PLIN2: variants seen among roughly 807,000 people sequenced by gnomAD.
The protein encoded by PLIN2 is perilipin-2.
A neutral mutation model predicts 30.6 loss-of-function variants in PLIN2; 33 were observed. The observed-to-expected ratio is 1.08, with a 90% CI of 0.82 to 1.44. PLIN2 has a LOEUF of 1.44. Among genes scored for constraint, PLIN2 ranks in the 40% most tolerant of loss-of-function variants. The pLI is 0.00. For synonymous variants in PLIN2, 205 were observed against 201.1 expected, an observed-to-expected ratio of 1.02 and a Z score of -0.16; for missense variants, 610 against 531.8, an observed-to-expected ratio of 1.15 and a Z score of -1.45.
chr9:19,112,640 G>T (rs1025020295), downstream of PLIN2, among the ~76,000 whole-genome samples: 1 of 147,110 alleles, frequency 6.8e-6, no homozygotes, highest in African/African-American at 2.5e-5. Flanking sequence ...CCTGGGAGGC[G>T]AAGCTTGCAG....
intron 3 of PLIN2, 98 bp downstream of exon 3, chr9:19,126,016 C>G: frequency 1.1e-6 from 1 of 939,330 alleles, no homozygotes; most frequent in Non-Finnish European, 1.7e-6. Flanking sequence ...AGTGTATGCC[C>G]CAGGAAGGGC....
intron 2 of PLIN2, among the ~76,000 whole-genome samples, chr9:19,109,317 G>A (rs1424699566): frequency 6.6e-6 from 1 of 151,996 alleles, no homozygotes; most frequent in Admixed American, 6.6e-5. Context: ...CCCTTTGGGA[G>A]GCCGAGATGG....
chr9:19,119,495 T>C (rs1818279168), intron 6 of PLIN2, among the ~76,000 whole-genome samples, 155 bp downstream of exon 6: 1 of 152,228 alleles, frequency 6.6e-6, no homozygotes, highest in Non-Finnish European at 1.5e-5. Flanking sequence ...TATACTTCCT[T>C]TTTCTGTGAG....
At chr9:19,109,294 C>T (rs1478307578) in intron 2 of PLIN2, among the ~76,000 whole-genome samples, 1 of 152,088 alleles carries the variant, frequency 6.6e-6, no homozygotes, top group Non-Finnish European at 1.5e-5. Flanking sequence ...GTGGCTCACG[C>T]CTGTAATCCC....
intron 6 of PLIN2, among the ~76,000 whole-genome samples, chr9:19,118,753 C>G (rs1341138017): frequency 6.6e-6 from 1 of 152,214 alleles, no homozygotes; most frequent in Non-Finnish European, 1.5e-5. Flanking sequence ...CACTCTGTCA[C>G]CCAGGCTGAA....
At position 19,116,195 on chromosome 9, in the gene PLIN2, A is replaced by C; in HGVS notation, c.*53T>G. 1.3e-6 allele frequency: 2 copies of C among 1,492,892 alleles called. No individual in the cohort carries two copies. Among genetic ancestry groups the C allele is most frequent in the Non-Finnish European group, 1.8e-6 (2 of 1,116,656 alleles). 92.5% of individuals were successfully genotyped at this position (1,492,892 alleles called of 1,614,324 possible). A position where few individuals can be genotyped will look rare whatever the true frequency, so the allele number is the denominator to read the frequency against. On this transcript the variant is annotated 3_prime_UTR_variant, in exon 8 of 8. Coordinates refer to ENST00000276914, the MANE Select transcript of PLIN2 (RefSeq NM_001122.4). ...TTGCCTAGCAAGTTAATTTCAACAT[A>C]ACAAAAGGTGTCATCTGTCTGGCCA...
chr9:19,123,400 A>G (rs1185790675), intron 4 of PLIN2, 165 bp downstream of exon 4: 1 of 1,551,716 alleles, frequency 6.4e-7, no homozygotes, highest in Non-Finnish European at 8.7e-7. Context: ...CAACTTGACA[A>G]CAGTTCAGGA....
chr9:19,126,378 G>T lies in PLIN2; in HGVS notation c.30+19C>A, dbSNP rs775427650. 2 of 1,613,932 alleles carry T rather than the reference G, an allele frequency of 1.2e-6. No homozygotes were observed. The highest frequency in any genetic ancestry group is 3.3e-5 in the Admixed American group (2 of 59,990). On this transcript the variant is annotated intron_variant, in intron 2 of 7. Transcript: ENST00000276914. ...CACAAAAGGAGAGAAAGTAGACAAAGGCTACTCAAAATTCATACCGGTTGT... is the reference window on the plus strand; with the variant it reads ...CACAAAAGGAGAGAAAGTAGACAAATGCTACTCAAAATTCATACCGGTTGT...
chr9:19,125,571 C>G (rs1386038513), intron 3 of PLIN2: 1 of 152,884 alleles, frequency 6.5e-6, no homozygotes, highest in Non-Finnish European at 1.5e-5. Context: ...CAGGTGCAGG[C>G]CACCGTGCCC....
rs1588641750 is a variant in PLIN2 at position 19,116,047 on chromosome 9, T to G, written c.*201A>C. On this transcript the variant is annotated 3_prime_UTR_variant, in exon 8 of 8. Transcript: ENST00000276914. Reference sequence around the variant, plus strand: ...GCTATAGGCTCTGACAAGCCTATCATTCTTTTCTTACCAGGTGAACAGAAA... The same window carrying G: ...GCTATAGGCTCTGACAAGCCTATCAGTCTTTTCTTACCAGGTGAACAGAAA... 4 of 488,074 alleles carry G rather than the reference T, an allele frequency of 8.2e-6. No homozygotes were observed. The highest frequency in any genetic ancestry group is 1.4e-5 in the Non-Finnish European group (4 of 280,822). The allele number at this position is 488,074 out of a possible 1,614,324, so 30.2% of individuals were successfully genotyped here.
chr9:19,110,794 A>G (rs1171520538), downstream of PLIN2, among the ~76,000 whole-genome samples: 2 of 152,094 alleles, frequency 1.3e-5, no homozygotes, highest in African/African-American at 2.4e-5. Context: ...TATCTTTTAT[A>G]TGGCACTCTC....
exon 3 of PLIN2, chr9:19,108,689 A>G (rs776915255): frequency 6.6e-6 from 1 of 152,654 alleles, no homozygotes; most frequent in Non-Finnish European, 1.5e-5. Flanking sequence ...TTCCAAAGCT[A>G]TAATATCTGG....
In PLIN2 at chr9:19,119,830, T is replaced by C. The variant is rs1187295823; in HGVS notation, c.597A>G (p.Glu199=). The C allele has an allele frequency of 6.4e-7, 1 of 1,560,618 alleles. No homozygotes were observed. Among genetic ancestry groups the C allele is most frequent in the Non-Finnish European group, 8.7e-7 (1 of 1,147,088 alleles). The part of the protein sequence containing the change: ...QYLPLTEEEL[E]KEAKKVEGFD... ...ATCCTTCAACTTTTTTTGCTTCTTTTTCTGAAGTTAGAAATAAGAGACAAA... is the reference window on the plus strand; with the variant it reads ...ATCCTTCAACTTTTTTTGCTTCTTTCTCTGAAGTTAGAAATAAGAGACAAA... Residue 199 remains glutamate, a splice_region_variant and synonymous_variant, in exon 6 of 8, where the codon GAA becomes GAG. Coordinates refer to ENST00000276914, the MANE Select transcript of PLIN2 (RefSeq NM_001122.4).
chr9:19,123,347 T>C, intron 4 of PLIN2: 1 of 1,549,780 alleles, frequency 6.5e-7, no homozygotes, highest in Non-Finnish European at 8.7e-7. Flanking sequence ...CACTAAAAGT[T>C]TTCTAATCCA....
chr9:19,118,351 A>G lies in PLIN2; in HGVS notation c.882T>C (p.Tyr294=). 1.2e-6 allele frequency: 2 copies of G among 1,613,664 alleles called. No individual in the cohort carries two copies. Among genetic ancestry groups the G allele is most frequent in the East Asian group, 2.2e-5 (1 of 44,868 alleles). The change falls in exon 7 of 8, where the codon TAT becomes TAC. Residue 294 remains tyrosine (Y), a synonymous_variant. Coordinates refer to ENST00000276914, the MANE Select transcript of PLIN2 (RefSeq NM_001122.4). ...CACAGTGGGACTCATCAGTATCATC[A>G]TATCCAATGCTCCTTTTCCACTCTA... is the stretch of plus-strand genomic sequence containing the variant. The part of the protein sequence containing the change: ...SWVEWKRSIG[Y]DDTDESHCAE...
At chr9:19,115,462 C>G (rs1025701446), downstream of PLIN2, among the ~76,000 whole-genome samples, 4 of 152,000 alleles carry the variant, frequency 2.6e-5, no homozygotes, top group African/African-American at 9.7e-5. Flanking sequence ...CACCCGCCAC[C>G]GTGCCCGGCT....
Position 19,115,932 on chromosome 9 carries a change from G to C in PLIN2, c.*316C>G. 4.9e-6 allele frequency: 1 copy of C among 205,382 alleles called. No individual in the cohort carries two copies. Among genetic ancestry groups the C allele is most frequent in the South Asian group, 1.4e-4 (1 of 7,294 alleles). 12.7% of individuals were successfully genotyped at this position (205,382 alleles called of 1,614,324 possible). A position where few individuals can be genotyped will look rare whatever the true frequency, so the allele number is the denominator to read the frequency against. On this transcript the variant is annotated 3_prime_UTR_variant, in exon 8 of 8. Coordinates refer to ENST00000276914, the MANE Select transcript of PLIN2 (RefSeq NM_001122.4). ...CAGTTTCTACCCCAGCCCACATGAA[G>C]ATGTTTTTATTCAATACAAACAGTA...
rs1200206245 is a variant in PLIN2 at position 19,123,570 on chromosome 9, T to C, written c.304A>G (p.Thr102Ala). Residue 102 changes from threonine (T) to alanine (A), a missense_variant, in exon 4 of 8, where the codon ACT becomes GCT. By Grantham distance (58) the Thr-to-Ala change is moderately conservative. Coordinates refer to ENST00000276914, the MANE Select transcript of PLIN2 (RefSeq NM_001122.4). The stretch of plus-strand genomic sequence containing the variant: ...CACTTTTGTCCCAAGCTCACCTGAG[T>C]TGATGGCTGATTCAGAATAGGCAGT... ...ERLPILNQPSTQIVANAKGAV... is the reference protein window; with the variant it reads ...ERLPILNQPSAQIVANAKGAV... 5 of 1,614,042 alleles carry C rather than the reference T, an allele frequency of 3.1e-6. No individual in the cohort carries two copies. The Admixed American group carries it at 8.3e-5, about 27-fold the overall frequency.
chr9:19,122,714 C>T (rs1038068697), intron 4 of PLIN2, among the ~76,000 whole-genome samples: 3 of 152,132 alleles, frequency 2.0e-5, no homozygotes, highest in African/African-American at 4.8e-5. Flanking sequence ...CAGTCAGAGG[C>T]GGCATTAGAT....
Sources: allele counts gnomAD v4.1 joint callset (sites outside exome capture counted in the v4.1 genomes callset), GRCh38; gene constraint gnomAD v4.1.1; transcripts MANE v1.5; gene names NCBI Gene and HGNC (gene_info 2026-07-23, HGNC 2026-07-21).